Variants in RBFOX1 observed in about 807,000 individuals in gnomAD.
RBFOX1 encodes RNA binding fox-1 homolog 1, also known as RNA binding protein fox-1 homolog 1.
A neutral mutation model predicts 57.7 loss-of-function variants in RBFOX1; 8 were observed. The ratio of observed to expected loss-of-function variants is 0.14; its 90% CI spans 0.08 to 0.25. The LOEUF is 0.25. Among genes scored for constraint, RBFOX1 ranks in the 10% least tolerant of loss-of-function variants. The pLI is 1.00. For synonymous variants in RBFOX1, 326 were observed against 222.4 expected (o/e 1.47, Z -4.15); for missense variants, 611 against 548.5 (o/e 1.11, Z -1.14).
chr16:7,573,738 G>C (rs1418495865), intron 5 of RBFOX1, among the ~76,000 whole-genome samples: 1 of 152,016 alleles, frequency 6.6e-6, no homozygotes, highest in African/African-American at 2.4e-5. Context: ...GGGAGGTTGA[G>C]GCAGGAAAAT....
At position 5,285,709 on chromosome 16, in the gene RBFOX1, C is replaced by G. The variant is rs145694965; in HGVS notation, c.219+45604C>G. 3.6e-3 allele frequency among the ~76,000 whole-genome samples: 553 copies of G among 152,264 alleles called. 3 individuals carry two copies. The highest frequency in any genetic ancestry group is 5.3e-3 in the Non-Finnish European group (362 of 68,022). On this transcript the variant is annotated intron_variant, in intron 1 of 2. Transcript: ENST00000585867. ...CAGTGATATAGTCTGCATATGATTT[C>G]TTCAGCTGTAATTGGCATGAATGGT...
chr16:7,367,631 A>C (rs1276560618), intron 4 of RBFOX1, among the ~76,000 whole-genome samples: 1 of 152,178 alleles, frequency 6.6e-6, no homozygotes, highest in East Asian at 1.9e-4. Flanking sequence ...CATTCTGTAT[A>C]TGTGCATCAG....
At chr16:7,603,234 C>T (rs1054837466) in intron 9 of RBFOX1, among the ~76,000 whole-genome samples, 2 of 151,968 alleles carry the variant, frequency 1.3e-5, no homozygotes, top group Non-Finnish European at 2.9e-5. Flanking sequence ...GAGACATAAT[C>T]AGAGCCAAAA....
intron 1 of RBFOX1, among the ~76,000 whole-genome samples, chr16:5,426,694 T>C (rs1275052898): frequency 6.6e-6 from 1 of 152,254 alleles, no homozygotes; most frequent in Non-Finnish European, 1.5e-5. Context: ...CTGCTTCTTG[T>C]GGCTGTTTTT....
chr16:7,264,392 T>C (rs762890223), intron 4 of RBFOX1, among the ~76,000 whole-genome samples: 3 of 152,194 alleles, frequency 2.0e-5, no homozygotes, highest in African/African-American at 4.8e-5. Flanking sequence ...GACCCAGTCA[T>C]CTCCAGCTTA....
intron 3 of RBFOX1, among the ~76,000 whole-genome samples, chr16:6,675,190 C>A (rs1280103263): frequency 6.6e-6 from 1 of 152,178 alleles, no homozygotes; most frequent in African/African-American, 2.4e-5. Flanking sequence ...AGGCATAAGC[C>A]ACTGCGCCCG....
At chr16:6,854,619 G>C (rs1237868355) in intron 3 of RBFOX1, among the ~76,000 whole-genome samples, 1 of 69,906 alleles carries the variant, frequency 1.4e-5, no homozygotes, top group African/African-American at 4.8e-5. Flanking sequence ...TTTTGAGACT[G>C]AGTCTCGCTG....
chr16:5,592,055 T>C (rs1266557386), intron 2 of RBFOX1, among the ~76,000 whole-genome samples: 3 of 152,270 alleles, frequency 2.0e-5, no homozygotes, highest in African/African-American at 7.2e-5. Flanking sequence ...CTTATTTGCA[T>C]TTCTTTTATT....
intron 4 of RBFOX1, among the ~76,000 whole-genome samples, chr16:7,189,473 C>G (rs1257904838): frequency 7.5e-6 from 1 of 133,892 alleles, no homozygotes; most frequent in Admixed American, 7.2e-5. Context: ...ATAGAATCCT[C>G]ATAGGGAGAC....
At chr16:7,038,456 C>A (rs1022658975) in intron 3 of RBFOX1, among the ~76,000 whole-genome samples, 7 of 152,150 alleles carry the variant, frequency 4.6e-5, no homozygotes, top group Admixed American at 4.6e-4. Flanking sequence ...CTTATTAAAT[C>A]TGGAGAATAA....
intron 3 of RBFOX1, among the ~76,000 whole-genome samples, chr16:5,837,446 A>T: frequency 6.6e-6 from 1 of 151,620 alleles, no homozygotes; most frequent in Admixed American, 6.6e-5. Context: ...TTTCTGAGAG[A>T]TTGCATAAGC....
intron 4 of RBFOX1, among the ~76,000 whole-genome samples, chr16:7,396,149 G>C (rs754975990): frequency 7.9e-5 from 12 of 152,106 alleles, no homozygotes; most frequent in Non-Finnish European, 1.6e-4. Flanking sequence ...AGGGCGGAAG[G>C]AGGACGAGAG....
chr16:6,473,443 G>A (rs1449709744), intron 2 of RBFOX1, among the ~76,000 whole-genome samples: 1 of 151,970 alleles, frequency 6.6e-6, no homozygotes, highest in African/African-American at 2.4e-5. Context: ...TCATCACAAG[G>A]CTATTTCCCA....
intron 4 of RBFOX1, among the ~76,000 whole-genome samples, chr16:5,990,036 G>C (rs1020971185): frequency 3.9e-5 from 6 of 152,140 alleles, no homozygotes; most frequent in Admixed American, 6.5e-5. Flanking sequence ...TGTTGCCCAG[G>C]CTGGAGTGGC....
At chr16:5,948,136 G>T (rs993993070) in intron 4 of RBFOX1, among the ~76,000 whole-genome samples, 2 of 152,116 alleles carry the variant, frequency 1.3e-5, no homozygotes, top group Middle Eastern at 3.5e-3. Flanking sequence ...CAGGACAGGG[G>T]TGACTCTTTC....
intron 3 of RBFOX1, among the ~76,000 whole-genome samples, chr16:6,799,782 C>A (rs1200459812): frequency 6.6e-6 from 1 of 152,040 alleles, no homozygotes. Context: ...GACCGCTGGA[C>A]TTAACACCAG....
chr16:6,601,159 G>A (rs1440796912), intron 2 of RBFOX1, among the ~76,000 whole-genome samples: 1 of 152,170 alleles, frequency 6.6e-6, no homozygotes, highest in Non-Finnish European at 1.5e-5. Context: ...CTGAAGAACA[G>A]AAAGGAATTA....
chr16:6,774,185 G>C (rs1329055898), intron 3 of RBFOX1, among the ~76,000 whole-genome samples: 1 of 152,114 alleles, frequency 6.6e-6, no homozygotes, highest in African/African-American at 2.4e-5. Context: ...CTCTGTAACT[G>C]AGATTGCCTG....
intron 4 of RBFOX1, among the ~76,000 whole-genome samples, chr16:7,195,572 T>C (rs2086495462): frequency 6.6e-6 from 1 of 152,192 alleles, no homozygotes; most frequent in Non-Finnish European, 1.5e-5. Flanking sequence ...TTTGTTTATT[T>C]ATTGAGACAG....
Sources: gnomAD v4.1 joint callset for allele counts (sites outside exome capture counted in the v4.1 genomes callset) on GRCh38, gnomAD v4.1.1 for gene constraint, MANE v1.5 for transcripts, NCBI Gene and HGNC (gene_info 2026-07-23, HGNC 2026-07-21) for gene names.